Variants in COL6A3 observed in about 807,000 individuals in gnomAD.
The protein encoded by COL6A3 is collagen type VI alpha 3 chain, also known as collagen alpha-3(VI) chain.
In COL6A3, 137 loss-of-function variants were observed where a neutral mutation model predicts 274.1. The observed-to-expected ratio is 0.50, with a 90% confidence interval of 0.44 to 0.58. The LOEUF (loss-of-function observed/expected upper bound fraction) is 0.58. COL6A3 is among the 20% of genes least tolerant of loss of function. The pLI is 0.00. For synonymous variants in COL6A3, 1,650 were observed against 1,650.6 expected, an observed-to-expected ratio of 1.00 and a Z score of 0.01; for missense variants, 3,950 against 4,124.9, an observed-to-expected ratio of 0.96 and a Z score of 1.16.
chr2:237,366,977 C>T lies in COL6A3; in HGVS notation c.5210G>A (p.Ser1737Asn). ...CTGAGGGACCCGCTGGTCCAGGCGG[C>T]TGCCTGCCTCAGGCACAAAGTGGTT... ...RVNHFVPEAG[S>N]RLDQRVPQIA... Residue 1737 changes from serine (S) to asparagine (N), a missense_variant, in exon 11 of 44, where the codon AGC becomes AAC. Coordinates refer to ENST00000295550, the MANE Select transcript of COL6A3 (RefSeq NM_004369.4). 2.5e-6 allele frequency: 4 copies of T among 1,614,278 alleles called. No homozygotes were observed. The highest frequency in any genetic ancestry group is 3.4e-6 in the Non-Finnish European group (4 of 1,180,054).
rs757316338 is a variant in COL6A3, at chr2:237,394,672, G to A, written c.624C>T (p.Asp208=). 1.2e-5 allele frequency: 19 copies of A among 1,614,090 alleles called. No individual in the cohort carries two copies. The Admixed American group carries it at 2.3e-4, about 20-fold the overall frequency. Residue 208 remains aspartate, a synonymous_variant, in exon 3 of 44, where the codon GAC becomes GAT. Transcript: ENST00000295550. ...FNLENFTSLH[D]IVGNLVSCVH... ...CACAGGACACTAAGTTTCCTACTAT[G>A]TCATGAAGTGAGGTAAAATTCTCTA...
chr2:237,411,282 G>T (rs1003761933), intron 1 of COL6A3, among the ~76,000 whole-genome samples: 1 of 152,168 alleles, frequency 6.6e-6, no homozygotes. Context: ...CTGTTACTGC[G>T]CCTGCAAGGA....
At chr2:237,373,756 G>A (rs1476337730) in intron 8 of COL6A3, among the ~76,000 whole-genome samples, 1 of 152,144 alleles carries the variant, frequency 6.6e-6, no homozygotes, top group East Asian at 1.9e-4. Context: ...CATTTATTGA[G>A]AGGTAGATAT....
At chr2:237,403,924 C>G (rs965939001) in intron 1 of COL6A3, among the ~76,000 whole-genome samples, 3 of 151,960 alleles carry the variant, frequency 2.0e-5, no homozygotes, top group Admixed American at 6.5e-5. Flanking sequence ...CTCTACCTTT[C>G]TTCCCTACAG....
At position 237,331,943 on chromosome 2, in the gene COL6A3, A is replaced by G. The variant is rs999972801; in HGVS notation, c.9328+1507T>C. Among the ~76,000 whole-genome samples, 3 of 149,238 alleles carry G rather than the reference A, an allele frequency of 2.0e-5. No individual in the cohort carries two copies. The South Asian group carries it at 6.4e-4, about 32-fold the overall frequency. On this transcript the variant is annotated intron_variant, in intron 42 of 43. Coordinates refer to ENST00000295550, the MANE Select transcript of COL6A3 (RefSeq NM_004369.4). ...AGCCTTGAAAGAAACACAAGCCCCA[A>G]TTTCAAAAGCTCTTTTCTCTTTATC... is the stretch of plus-strand genomic sequence containing the variant.
At chr2:237,392,913 T>C (rs1001113522) in intron 3 of COL6A3, among the ~76,000 whole-genome samples, 1 of 152,132 alleles carries the variant, frequency 6.6e-6, no homozygotes, top group Non-Finnish European at 1.5e-5. Flanking sequence ...AGCCCCGCGA[T>C]TGGCCCTCAG....
intron 9 of COL6A3, among the ~76,000 whole-genome samples, chr2:237,369,929 C>T (rs1422646190): frequency 1.3e-5 from 2 of 151,848 alleles, no homozygotes; most frequent in African/African-American, 4.8e-5. Flanking sequence ...CCTTGACCTC[C>T]CAGGCTCAAG....
At position 237,341,583 on chromosome 2, in the gene COL6A3, A is replaced by AAACCAATT. The variant is rs2076991893; in HGVS notation, c.7766-441_7766-434dup. Among the ~76,000 whole-genome samples, 6 of 151,742 alleles carry AAACCAATT rather than the reference A, an allele frequency of 4.0e-5. 1 individual carries two copies. The South Asian group carries it at 1.2e-3, about 32-fold the overall frequency. On this transcript the variant is annotated intron_variant, in intron 37 of 43. Coordinates refer to ENST00000295550, the MANE Select transcript of COL6A3 (RefSeq NM_004369.4). Reference sequence around the variant, plus strand: ...AAAAAAAAAAAAAACATCACAACCAAAACCAATTTATATCTTGCCTTGATT... The same window carrying AAACCAATT: ...AAAAAAAAAAAAAACATCACAACCAAAACCAATTAACCAATTTATATCTTGCCTTGATT...
intron 6 of COL6A3, among the ~76,000 whole-genome samples, chr2:237,377,691 T>C (rs2077885602): frequency 6.6e-6 from 1 of 151,974 alleles, no homozygotes; most frequent in Non-Finnish European, 1.5e-5. Flanking sequence ...CAAATAAAAG[T>C]ATTGAAAACA....
At chr2:237,347,316 A>C (rs1186878298) in intron 31 of COL6A3, among the ~76,000 whole-genome samples, 1 of 152,158 alleles carries the variant, frequency 6.6e-6, no homozygotes, top group Non-Finnish European at 1.5e-5. Context: ...CAAAGAATAA[A>C]AAGAAAAGAG....
chr2:237,378,689 G>T lies in COL6A3; in HGVS notation c.2444C>A (p.Pro815His), dbSNP rs199601240. 1.2e-4 allele frequency: 201 copies of T among 1,613,596 alleles called. No individual in the cohort carries two copies. The highest frequency in any genetic ancestry group is 1.6e-4 in the Non-Finnish European group (192 of 1,180,046). The change falls in exon 6 of 44, where the codon CCC becomes CAC. Residue 815 changes from proline (P) to histidine (H), a missense_variant. Pro to His is a moderately conservative substitution (Grantham distance 77). Coordinates refer to ENST00000295550, the MANE Select transcript of COL6A3 (RefSeq NM_004369.4). ...ACCTCCACTAACATATGTGGTTAGG[G>T]GCTGAATCAGCTGCTGAGGCAAAGC... is the stretch of plus-strand genomic sequence containing the variant. ...LPALPQQLIQ[P>H]LTTYVSGGVE...
Position 237,360,145 on chromosome 2 carries a change from C to A in COL6A3, c.6225G>T (p.Pro2075=), listed in dbSNP as rs368711215. ...GDEGGPGERG[P]PGVNGTQGFQ... ...AACCTTGAGTGCCGTTCACACCAGGCGGACCACGCTCACCCTGTTGTGAGA... is the reference window on the plus strand; with the variant it reads ...AACCTTGAGTGCCGTTCACACCAGGAGGACCACGCTCACCCTGTTGTGAGA... Residue 2075 remains proline, a synonymous_variant, in exon 17 of 44, where the codon CCG becomes CCT. Coordinates refer to ENST00000295550, the MANE Select transcript of COL6A3 (RefSeq NM_004369.4). 6.2e-7 allele frequency: 1 copy of A among 1,614,130 alleles called. No homozygotes were observed. Among genetic ancestry groups the A allele is most frequent in the Non-Finnish European group, 8.5e-7 (1 of 1,179,994 alleles).
chr2:237,339,220 G>T, intron 38 of COL6A3, 103 bp from the exon 39 acceptor site: 1 of 844,890 alleles, frequency 1.2e-6, no homozygotes, highest in Non-Finnish European at 1.9e-6. Context: ...CATTTATTTA[G>T]CCCATAATTA....
At position 237,333,536 on chromosome 2, in the gene COL6A3, G is replaced by A; in HGVS notation, c.9242C>T (p.Pro3081Leu). 6 of 1,614,152 alleles carry A rather than the reference G, an allele frequency of 3.7e-6. No individual in the cohort carries two copies. The highest frequency in any genetic ancestry group is 2.7e-5 in the African/African-American group (2 of 75,026). Residue 3081 changes from proline (P) to leucine (L), a missense_variant, in exon 42 of 44, where the codon CCC (proline) becomes CTC (leucine). Pro to Leu is a moderately conservative substitution (Grantham distance 98, BLOSUM62 -3). Around this residue, in one of 5 missense-constraint regions of COL6A3, gnomAD observed 1,284 missense variants for 1,349.7 expected, o/e 0.95. Coordinates refer to ENST00000295550, the MANE Select transcript of COL6A3 (RefSeq NM_004369.4). Reference sequence around the variant, plus strand: ...TGACCTTGCTGGCTGTGGAGGTGGGGGCTGAGATTTCTCTATAAAAGAAAA... The same window carrying A: ...TGACCTTGCTGGCTGTGGAGGTGGGAGCTGAGATTTCTCTATAAAAGAAAA... ...HGSFSTKKSQ[P>L]PPPQPARSAS...
chr2:237,380,986 C>A lies in COL6A3; in HGVS notation c.1826G>T (p.Arg609Leu). 1 of 1,614,178 alleles carries A rather than the reference C, an allele frequency of 6.2e-7. No homozygotes were observed. The highest frequency in any genetic ancestry group is 8.5e-7 in the Non-Finnish European group (1 of 1,180,034). Residue 609 changes from arginine to leucine, a missense_variant, in exon 5 of 44, where the codon CGA (arginine) becomes CTA (leucine). This residue lies in a region of COL6A3 where 1,934 missense variants were observed against 1,984.3 expected (regional missense o/e 0.97). Transcript: ENST00000295550. ...SSLVFIPAEF[R>L]AAPLQGMLPG... ...CAGCATGCCTTGCAATGGGGCGGCT[C>A]GGAACTCAGCTGGGATGAACACCAG...
chr2:237,375,165 G>T, intron 7 of COL6A3, 145 bp from the exon 8 acceptor site: 1 of 1,258,622 alleles, frequency 7.9e-7, no homozygotes, highest in Non-Finnish European at 1.1e-6. Context: ...TGTGATTCAG[G>T]TAAGGATTTG....
chr2:237,333,225 C>T (rs1408893055), intron 42 of COL6A3: 2 of 598,428 alleles, frequency 3.3e-6, no homozygotes, highest in African/African-American at 1.8e-5. Flanking sequence ...CCCAAAAGCA[C>T]CTCCCATCAA....
rs375729592 is a variant in COL6A3 at position 237,345,193 on chromosome 2, G to A, written c.7113C>T (p.Gly2371=). The A allele has an allele frequency of 6.6e-5, 107 of 1,614,142 alleles. No homozygotes were observed. In the African/African-American group the frequency reaches 7.9e-4, roughly 12 times the overall value. ...PGPAGPKGNR[G]DSIDQCALIQ... is the part of the protein sequence containing the mutation. ...ACATGCAACTTACATCGATGGAGTCGCCCCTGTTGCCCTTGGGACCCTGTA... is the reference window on the plus strand; with the variant it reads ...ACATGCAACTTACATCGATGGAGTCACCCCTGTTGCCCTTGGGACCCTGTA... Residue 2371 remains glycine, a synonymous_variant, in exon 33 of 44, where the codon GGC becomes GGT. Transcript: ENST00000295550.
chr2:237,353,471 C>G (rs2077250795), intron 24 of COL6A3, 68 bp from the exon 25 acceptor site: 12 of 1,403,168 alleles, frequency 8.6e-6, no homozygotes, highest in Middle Eastern at 1.8e-4. Flanking sequence ...CTTTGCTCTA[C>G]AGTCATTTCT....
Sources: allele counts gnomAD v4.1 joint callset (sites outside exome capture counted in the v4.1 genomes callset), GRCh38; gene constraint gnomAD v4.1.1; regional missense constraint gnomAD v4.1.1; transcripts MANE v1.5; gene names NCBI Gene and HGNC (gene_info 2026-07-23, HGNC 2026-07-21).